Variants in CUBN observed in about 807,000 individuals in gnomAD.
The protein encoded by CUBN is 460 kDa receptor.
In CUBN, 282 loss-of-function variants were observed where a neutral mutation model predicts 405.3. The observed-to-expected ratio is 0.70, with a 90% CI of 0.63 to 0.77. The LOEUF (loss-of-function observed/expected upper bound fraction) is 0.77, where lower values mean the gene tolerates loss of function less well. Ranked by LOEUF, CUBN falls within the 30% of genes least tolerant of loss-of-function variation. The probability of loss-of-function intolerance (pLI) is 0.00; values close to 1 mark genes in which losing one functional copy is unlikely to be tolerated. For missense variants in CUBN, 4,514 were observed against 4,475.2 expected, an observed-to-expected ratio of 1.01 and a Z score of -0.25; for synonymous variants, 1,684 against 1,617.0, an observed-to-expected ratio of 1.04 and a Z score of -0.99.
intron 22 of CUBN, among the ~76,000 whole-genome samples, chr10:17,064,287 G>C (rs2131840820): frequency 6.6e-6 from 1 of 152,352 alleles, no homozygotes; most frequent in East Asian, 1.9e-4. Flanking sequence ...AGTTTTGCCT[G>C]AAATGAAGAG....
intron 56 of CUBN, among the ~76,000 whole-genome samples, chr10:16,879,454 C>T (rs1162189487): frequency 6.6e-6 from 1 of 152,204 alleles, no homozygotes; most frequent in Non-Finnish European, 1.5e-5. Context: ...TACAAATGCC[C>T]CATTGGGAAT....
chr10:16,973,242 C>T (rs2131675274), intron 31 of CUBN, among the ~76,000 whole-genome samples: 1 of 152,282 alleles, frequency 6.6e-6, no homozygotes, highest in Admixed American at 6.5e-5. Flanking sequence ...CCCCTCGTGG[C>T]CTCACTGCTG....
At chr10:16,927,178 A>G (rs541135723) in intron 41 of CUBN, among the ~76,000 whole-genome samples, 1 of 152,188 alleles carries the variant, frequency 6.6e-6, no homozygotes, top group East Asian at 1.9e-4. Flanking sequence ...ATGTGTATAC[A>G]TGTATGTATG....
rs139803724 is a variant in CUBN, at chr10:16,934,741, G to C, written c.5927-1457C>G. On this transcript the variant is annotated intron_variant, in intron 39 of 66. Transcript: ENST00000377833. ...AGCAAAAGGCATGTGTTACTTTACA[G>C]TGAGCACTTTTAAACCGAGACATCC... Among the ~76,000 whole-genome samples the C allele has an allele frequency of 7.3e-3, 1,107 of 152,264 alleles. 15 individuals are homozygous for C. The highest frequency in any genetic ancestry group is 0.025 in the African/African-American group (1,055 of 41,552).
rs758327310 is a variant in CUBN, at chr10:16,901,467, G to T, written c.8063-8C>A. ...TCTGTATTCCGCCACAATCTGAAAT[G>T]AGATTGGTAACCCTCTCAATAAAAC... On this transcript the variant is annotated splice_region_variant and splice_polypyrimidine_tract_variant and intron_variant, in intron 51 of 66. Transcript: ENST00000377833. 1.2e-6 allele frequency: 2 copies of T among 1,614,056 alleles called. No individual in the cohort carries two copies. The highest frequency in any genetic ancestry group is 4.5e-5 in the East Asian group (2 of 44,866).
chr10:17,110,248 T>C (rs187922616), intron 9 of CUBN, among the ~76,000 whole-genome samples: 77 of 152,344 alleles, frequency 5.1e-4, no homozygotes, highest in African/African-American at 1.8e-3. Flanking sequence ...GTGATGCCTG[T>C]GGTTTAGTAA....
chr10:17,103,054 A>C (rs1250407260), intron 13 of CUBN, 71 bp downstream of exon 13: 1 of 879,594 alleles, frequency 1.1e-6, no homozygotes, highest in Non-Finnish European at 1.9e-6. Context: ...TTTATGTAAT[A>C]AAATATACAC....
rs146336877 is a variant in CUBN, at chr10:16,842,049, CT to C, written c.9664-1003del. ...CTTCTTCTATATACTACATATTTAGCTTTTTTTTTTTTTGAAATAAGGTCTC... is the reference window on the plus strand; with the variant it reads ...CTTCTTCTATATACTACATATTTAGCTTTTTTTTTTTTGAAATAAGGTCTC... On this transcript the variant is annotated intron_variant, in intron 60 of 66. Coordinates refer to ENST00000377833, the MANE Select transcript of CUBN (RefSeq NM_001081.4). Among the ~76,000 whole-genome samples the C allele has an allele frequency of 8.0e-3, 1,146 of 143,976 alleles. 18 individuals carry two copies. Among genetic ancestry groups the C allele is most frequent in the African/African-American group, 0.026 (997 of 39,052 alleles). 94.5% of individuals were successfully genotyped at this position (143,976 alleles called of 152,430 possible).
Position 16,824,708 on chromosome 10 carries a change from T to C in CUBN, c.*267A>G, listed in dbSNP as rs1203238498. 2.6e-6 allele frequency: 1 copy of C among 386,992 alleles called. No individual in the cohort carries two copies. The highest frequency in any genetic ancestry group is 2.1e-5 in the South Asian group (1 of 48,536). The allele number at this position is 386,992 out of a possible 1,614,324, so 24.0% of individuals were successfully genotyped here. On this transcript the variant is annotated 3_prime_UTR_variant, in exon 67 of 67. Transcript: ENST00000377833. ...GCTAATTATTATATTGTTAGAGAGA[T>C]GAGGTTTCACCATGCTGGCCAGGCT...
At chr10:16,979,059 G>T (rs1268323426) in intron 31 of CUBN, among the ~76,000 whole-genome samples, 2 of 152,208 alleles carry the variant, frequency 1.3e-5, no homozygotes, top group African/African-American at 4.8e-5. Context: ...TAGCCAAACA[G>T]AAAGCCAAAT....
intron 56 of CUBN, among the ~76,000 whole-genome samples, chr10:16,881,225 C>T (rs1196271414): frequency 6.6e-6 from 1 of 152,148 alleles, no homozygotes; most frequent in Non-Finnish European, 1.5e-5. Flanking sequence ...AAATAGGCTG[C>T]TATGCATGTG....
intron 60 of CUBN, among the ~76,000 whole-genome samples, chr10:16,845,718 G>C (rs1463300802): frequency 1.3e-5 from 2 of 152,200 alleles, no homozygotes; most frequent in African/African-American, 4.8e-5. Flanking sequence ...TGAATAGTAG[G>C]TACGACCTCA....
rs1837037269 is a variant in CUBN at position 17,121,397 on chromosome 10, G to A, written c.593+1398C>T. 3.3e-5 allele frequency among the ~76,000 whole-genome samples: 5 copies of A among 151,858 alleles called. 1 individual carries two copies. In the South Asian group the frequency reaches 1.0e-3, roughly 32 times the overall value. On this transcript the variant is annotated intron_variant, in intron 6 of 66. Transcript: ENST00000377833. ...AATGATGAGTTCATGTCCTTTGTAGGGACATGGATGAAGCTGGAAACCATC... is the reference window on the plus strand; with the variant it reads ...AATGATGAGTTCATGTCCTTTGTAGAGACATGGATGAAGCTGGAAACCATC...
At chr10:16,869,100 C>G (rs909543700) in intron 59 of CUBN, among the ~76,000 whole-genome samples, 3 of 151,692 alleles carry the variant, frequency 2.0e-5, no homozygotes, top group African/African-American at 7.3e-5. Context: ...AGATTTCTAT[C>G]ATAAGCTTCT....
intron 28 of CUBN, among the ~76,000 whole-genome samples, chr10:17,005,581 G>T (rs1046027503): frequency 1.3e-5 from 2 of 152,132 alleles, no homozygotes; most frequent in Non-Finnish European, 2.9e-5. Context: ...ATCAATTCTT[G>T]CCCATTCTTT....
chr10:16,869,660 T>G lies in CUBN; in HGVS notation c.9430A>C (p.Lys3144Gln). The G allele has an allele frequency of 6.2e-7, 1 of 1,613,796 alleles. No individual in the cohort carries two copies. Among genetic ancestry groups the G allele is most frequent in the South Asian group, 1.1e-5 (1 of 91,076 alleles). Residue 3144 changes from lysine to glutamine, a missense_variant, in exon 59 of 67, where the codon AAG becomes CAG. This residue lies in a region of CUBN where 1,186 missense variants were observed against 1,186.9 expected (regional missense o/e 1.00). Coordinates refer to ENST00000377833, the MANE Select transcript of CUBN (RefSeq NM_001081.4). ...TDSFQTAKGW[K>Q]MSFRQTLGPQ... ...CCCAATGTCTGCCGGAAAGACATCT[T>G]CCAGCCTTTTGCTGTCTGAAATGAA...
In CUBN at chr10:16,824,937, A is replaced by G; in HGVS notation, c.*38T>C. On this transcript the variant is annotated 3_prime_UTR_variant, in exon 67 of 67. Coordinates refer to ENST00000377833, the MANE Select transcript of CUBN (RefSeq NM_001081.4). ...GGCAGAGTGCTGTCCAGCGTGCTGC[A>G]GAGGGAAAGTGCTGAGTGAACACGA... The G allele has an allele frequency of 7.0e-7, 1 of 1,428,932 alleles. No homozygotes were observed. The highest frequency in any genetic ancestry group is 2.3e-5 in the East Asian group (1 of 43,840). The allele number at this position is 1,428,932 out of a possible 1,614,324, so 88.5% of individuals were successfully genotyped here. A position where few individuals can be genotyped will look rare whatever the true frequency, so the allele number is the denominator to read the frequency against.
intron 19 of CUBN, among the ~76,000 whole-genome samples, 163 bp from the exon 20 acceptor site, chr10:17,068,933 T>C (rs925772958): frequency 6.6e-6 from 1 of 152,192 alleles, no homozygotes; most frequent in Non-Finnish European, 1.5e-5. Context: ...TCATATCCTT[T>C]AGCAGTCACT....
chr10:17,085,260 G>A (rs1198265193), intron 16 of CUBN, among the ~76,000 whole-genome samples: 1 of 152,162 alleles, frequency 6.6e-6, no homozygotes, highest in Non-Finnish European at 1.5e-5. Context: ...AAAATCCAGA[G>A]AGACTGCACT....
Sources: gnomAD v4.1 joint callset for allele counts (sites outside exome capture counted in the v4.1 genomes callset) on GRCh38, gnomAD v4.1.1 for gene constraint, gnomAD v4.1.1 regional missense constraint, MANE v1.5 for transcripts, NCBI Gene and HGNC (gene_info 2026-07-23, HGNC 2026-07-21) for gene names.